The following RAB3GAP2 variants were observed in gnomAD, a reference collection of about 807,000 sequenced individuals.
RAB3GAP2 encodes the protein rab3 GTPase-activating protein non-catalytic subunit.
Under a neutral mutation model 185.3 loss-of-function variants are expected in RAB3GAP2, and 87 were observed. The observed-to-expected ratio is 0.47, with a 90% CI of 0.39 to 0.56. RAB3GAP2 has a LOEUF of 0.56. Ranked by LOEUF, RAB3GAP2 falls within the 20% of genes least tolerant of loss-of-function variation. The pLI, the probability that RAB3GAP2 is intolerant of heterozygous loss-of-function variation, is 0.00. For synonymous variants in RAB3GAP2, 554 were observed against 576.1 expected (o/e 0.96, Z 0.55); for missense variants, 1,492 against 1,638.2 (o/e 0.91, Z 1.54).
At chr1:220,258,198 C>A (rs963166569) in intron 1 of RAB3GAP2, among the ~76,000 whole-genome samples, 8 of 151,874 alleles carry the variant, frequency 5.3e-5, no homozygotes, top group African/African-American at 1.7e-4. Flanking sequence ...GAAACTATTC[C>A]AAAAAATTGA....
chr1:220,247,276 A>C (rs1247624243), intron 1 of RAB3GAP2, among the ~76,000 whole-genome samples: 1 of 152,218 alleles, frequency 6.6e-6, no homozygotes, highest in Non-Finnish European at 1.5e-5. Context: ...AAGGAAAAGA[A>C]GTCATTTTAT....
Position 220,202,389 on chromosome 1 carries a change from A to G in RAB3GAP2, c.713-15T>C. On this transcript the variant is annotated splice_polypyrimidine_tract_variant and intron_variant, in intron 8 of 34. Transcript: ENST00000358951. ...TGATGCTGCAGCTACCAAAGATAAA[A>G]TAAGACAATCCAAACTTATTATGGA... is the stretch of plus-strand genomic sequence containing the variant. 6.2e-7 allele frequency: 1 copy of G among 1,608,996 alleles called. No individual in the cohort carries two copies. Among genetic ancestry groups the G allele is most frequent in the South Asian group, 1.1e-5 (1 of 90,986 alleles).
intron 26 of RAB3GAP2, 44 bp from the exon 27 acceptor site, chr1:220,164,843 A>G (rs1353330131): frequency 1.9e-6 from 3 of 1,558,230 alleles, no homozygotes; most frequent in Non-Finnish European, 2.6e-6. Context: ...AAGAGGTATC[A>G]TTTAATAGGT....
At chr1:220,242,885 C>G (rs1380286565) in intron 1 of RAB3GAP2, among the ~76,000 whole-genome samples, 1 of 152,140 alleles carries the variant, frequency 6.6e-6, no homozygotes, top group Admixed American at 6.5e-5. Flanking sequence ...CAAATGCCTA[C>G]ATGTGACATT....
chr1:220,250,955 G>A (rs1477549878), intron 1 of RAB3GAP2, among the ~76,000 whole-genome samples: 1 of 152,114 alleles, frequency 6.6e-6, no homozygotes, highest in African/African-American at 2.4e-5. Flanking sequence ...ACCAGTCTCA[G>A]GTTATTTCCT....
At chr1:220,183,810 A>T (rs1273228220) in intron 19 of RAB3GAP2, among the ~76,000 whole-genome samples, 1 of 152,174 alleles carries the variant, frequency 6.6e-6, no homozygotes, top group Non-Finnish European at 1.5e-5. Flanking sequence ...GTACAAAAAC[A>T]TATCATGGCT....
At position 220,202,282 on chromosome 1, in the gene RAB3GAP2, T is replaced by C. The variant is rs751914149; in HGVS notation, c.805A>G (p.Ser269Gly). ...QDIDTIIDHA[S>G]VGIMTLSPFD... ...TTGAATTAGTAATACTTACCAACACTAGCATGATCAATAATAGTGTCAATA... is the reference window on the plus strand; with the variant it reads ...TTGAATTAGTAATACTTACCAACACCAGCATGATCAATAATAGTGTCAATA... Residue 269 changes from serine to glycine, a missense_variant, in exon 9 of 35, where the codon AGT (serine) becomes GGT (glycine). Transcript: ENST00000358951. 6.2e-7 allele frequency: 1 copy of C among 1,613,580 alleles called. No homozygotes were observed.
intron 23 of RAB3GAP2, 94 bp from the exon 24 acceptor site, chr1:220,171,214 G>T: frequency 9.3e-7 from 1 of 1,072,096 alleles, no homozygotes; most frequent in Non-Finnish European, 1.4e-6. Context: ...GGATACTGAG[G>T]ATACATCACA....
chr1:220,173,372 G>A (rs1450603698), intron 21 of RAB3GAP2, among the ~76,000 whole-genome samples: 1 of 152,184 alleles, frequency 6.6e-6, no homozygotes, highest in Non-Finnish European at 1.5e-5. Flanking sequence ...CTGGGATAAT[G>A]AAGTTTAATG....
chr1:220,218,728 T>TA (rs1659246598), intron 2 of RAB3GAP2, among the ~76,000 whole-genome samples: 1 of 145,158 alleles, frequency 6.9e-6, no homozygotes, highest in African/African-American at 2.6e-5. Flanking sequence ...CCCTAGAACT[T>TA]AAAGTATAAT....
At chr1:220,210,276 C>T in intron 7 of RAB3GAP2, 112 bp downstream of exon 7, 1 of 820,302 alleles carries the variant, frequency 1.2e-6, no homozygotes, top group Admixed American at 1.7e-5. Flanking sequence ...GCAGAGCTAA[C>T]TAACTGTGCC....
intron 1 of RAB3GAP2, among the ~76,000 whole-genome samples, chr1:220,244,477 TG>T (rs1413067295): frequency 6.6e-6 from 1 of 151,716 alleles, no homozygotes; most frequent in East Asian, 1.9e-4. Flanking sequence ...ATGATCATAC[TG>T]CCCAAAGCAA....
At chr1:220,153,524 G>T in intron 32 of RAB3GAP2, 118 bp from the exon 33 acceptor site, 1 of 931,826 alleles carries the variant, frequency 1.1e-6, no homozygotes, top group Non-Finnish European at 1.7e-6. Flanking sequence ...AAATTGTTTA[G>T]TTATCAAAAA....
chr1:220,235,161 G>T (rs1437085629), intron 1 of RAB3GAP2, among the ~76,000 whole-genome samples: 1 of 152,192 alleles, frequency 6.6e-6, no homozygotes, highest in Non-Finnish European at 1.5e-5. Context: ...GGAGTTTACA[G>T]TTAAGGCCAA....
Position 220,182,735 on chromosome 1 carries a change from TCTTCA to T in RAB3GAP2, c.2190_2194del (p.Ser730ArgfsTer8). 6.2e-7 allele frequency: 1 copy of T among 1,603,074 alleles called. No individual in the cohort carries two copies. The highest frequency in any genetic ancestry group is 8.5e-7 in the Non-Finnish European group (1 of 1,176,264). On this transcript the variant is annotated frameshift_variant, in exon 20 of 35. Transcript: ENST00000358951. LOFTEE classifies it high-confidence loss of function. The stretch of plus-strand genomic sequence containing the variant: ...TTACCTACCTAAAGCCACATATTCC[TCTTCA>T]CTTATTTTCTTTATGTTGAGCACAT...
intron 23 of RAB3GAP2, among the ~76,000 whole-genome samples, chr1:220,171,639 T>C (rs771280097): frequency 6.6e-6 from 1 of 152,162 alleles, no homozygotes; most frequent in Non-Finnish European, 1.5e-5. Context: ...GAAAAAATTA[T>C]TTGATCCACC....
chr1:220,268,438 A>G (rs931416486), intron 1 of RAB3GAP2, among the ~76,000 whole-genome samples: 1 of 152,220 alleles, frequency 6.6e-6, no homozygotes, highest in African/African-American at 2.4e-5. Context: ...ACAGTCTCTC[A>G]TATTTGCTGC....
intron 1 of RAB3GAP2, chr1:220,254,143 T>G: frequency 3.1e-6 from 5 of 1,613,754 alleles, no homozygotes; most frequent in Non-Finnish European, 4.2e-6. Flanking sequence ...GAATGTGGAT[T>G]CCATTCTTGA....
chr1:220,266,877 T>C, intron 1 of RAB3GAP2: 2 of 1,596,870 alleles, frequency 1.3e-6, no homozygotes, highest in Non-Finnish European at 1.7e-6. Flanking sequence ...TCAGGGAATG[T>C]GAATTCTCAA....
Sources: allele counts gnomAD v4.1 joint callset (sites outside exome capture counted in the v4.1 genomes callset), GRCh38; gene constraint gnomAD v4.1.1; transcripts MANE v1.5; gene names NCBI Gene and HGNC (gene_info 2026-07-23, HGNC 2026-07-21).